PDE11A: variants seen among roughly 807,000 people sequenced by gnomAD.
PDE11A encodes the protein phosphodiesterase 11A.
PDE11A carries 100 observed loss-of-function variants against 100.5 expected under a neutral mutation model. That is an observed-to-expected ratio of 1.00 (90% CI 0.85 to 1.18). The LOEUF is 1.18. Among genes scored for constraint, PDE11A ranks in the 50% most tolerant of loss-of-function variants. The pLI, the probability that PDE11A is intolerant of heterozygous loss-of-function variation, is 0.00. For missense variants in PDE11A, 1,141 were observed against 1,152.6 expected (o/e 0.99, Z 0.15); for synonymous variants, 381 against 420.8 (o/e 0.91, Z 1.16).
At chr2:177,967,302 T>A (rs763250896) in intron 2 of PDE11A, among the ~76,000 whole-genome samples, 2 of 151,628 alleles carry the variant, frequency 1.3e-5, no homozygotes, top group Non-Finnish European at 2.9e-5. Context: ...GTTCAAGTGA[T>A]TCTCCTGCCT....
At chr2:178,105,619 C>A in intron 1 of PDE11A, 3 of 448,806 alleles carry the variant, frequency 6.7e-6, no homozygotes, top group Middle Eastern at 6.5e-4. Context: ...TTCAAACTAT[C>A]AAAAAATTGT....
At chr2:177,631,809 G>A (rs757784999) in intron 19 of PDE11A, among the ~76,000 whole-genome samples, 5 of 151,546 alleles carry the variant, frequency 3.3e-5, no homozygotes, top group Non-Finnish European at 5.9e-5. Context: ...GGCATCCCAC[G>A]TGGATGAGGG....
intron 10 of PDE11A, among the ~76,000 whole-genome samples, chr2:177,751,720 GA>G (rs1156655296): frequency 6.6e-6 from 1 of 152,152 alleles, no homozygotes; most frequent in Admixed American, 6.5e-5. Flanking sequence ...AGACCAAAGA[GA>G]AAAATGAGAT....
chr2:177,883,835 G>A (rs2084385599), intron 4 of PDE11A, among the ~76,000 whole-genome samples: 1 of 152,122 alleles, frequency 6.6e-6, no homozygotes, highest in African/African-American at 2.4e-5. Context: ...GAGGGGAGAA[G>A]GGAAGGGTGA....
chr2:177,665,496 T>TAAAA (rs199692182), intron 18 of PDE11A, among the ~76,000 whole-genome samples: 47 of 143,592 alleles, frequency 3.3e-4, no homozygotes, highest in East Asian at 1.8e-3. Context: ...AAAATAATAA[T>TAAAA]AATAAATAAA....
chr2:178,025,451 G>A (rs2086466823), intron 1 of PDE11A, among the ~76,000 whole-genome samples: 1 of 152,082 alleles, frequency 6.6e-6, no homozygotes, highest in Non-Finnish European at 1.5e-5. Flanking sequence ...AACTTTGTTT[G>A]CTGATCTTAT....
intron 2 of PDE11A, among the ~76,000 whole-genome samples, chr2:177,964,229 A>G (rs1221409195): frequency 3.9e-5 from 6 of 151,996 alleles, no homozygotes; most frequent in Admixed American, 3.9e-4. Context: ...AGCTCAGTGC[A>G]ACCTCAAGTT....
At chr2:177,758,291 C>T (rs745821672) in intron 10 of PDE11A, among the ~76,000 whole-genome samples, 54 of 129,868 alleles carry the variant, frequency 4.2e-4, no homozygotes, top group Non-Finnish European at 6.7e-4. Flanking sequence ...TGCAAGACTC[C>T]GTCTCAAAAA....
intron 2 of PDE11A, among the ~76,000 whole-genome samples, chr2:177,942,464 G>A (rs752911007): frequency 1.8e-4 from 27 of 151,258 alleles, no homozygotes; most frequent in East Asian, 5.8e-4. Flanking sequence ...GTGCAATGGC[G>A]TGATCTCGGC....
Position 177,998,310 on chromosome 2 carries a change from A to C in PDE11A, c.1071+15992T>G. 1.2e-5 allele frequency: 10 copies of C among 815,254 alleles called. 1 individual carries two copies. In the South Asian group the frequency reaches 1.3e-4, roughly 11 times the overall value. 50.5% of individuals were successfully genotyped at this position (815,254 alleles called of 1,614,324 possible). ...TAAAGTCTTAAGTTTTGTAGAAAGG[A>C]ATTTAATTGCTCATTCTCTAACAAT... On this transcript the variant is annotated intron_variant, in intron 2 of 19. Coordinates refer to ENST00000286063, the MANE Select transcript of PDE11A (RefSeq NM_016953.4).
intron 12 of PDE11A, among the ~76,000 whole-genome samples, chr2:177,717,796 C>T (rs994840668): frequency 6.6e-6 from 1 of 152,142 alleles, no homozygotes; most frequent in African/African-American, 2.4e-5. Context: ...CCAAAAGACC[C>T]AAGCCAGTAA....
intron 6 of PDE11A, among the ~76,000 whole-genome samples, chr2:177,832,656 C>T (rs1235392180): frequency 6.6e-6 from 1 of 151,922 alleles, no homozygotes; most frequent in Non-Finnish European, 1.5e-5. Flanking sequence ...CTGATAAGAT[C>T]TTGGGAGTTG....
At chr2:177,956,749 T>C (rs2085568173) in intron 2 of PDE11A, among the ~76,000 whole-genome samples, 1 of 152,244 alleles carries the variant, frequency 6.6e-6, no homozygotes, top group Non-Finnish European at 1.5e-5. Context: ...GATGAGTTCA[T>C]GTCTTTTGTA....
chr2:177,956,191 A>G (rs1212994137), intron 2 of PDE11A, among the ~76,000 whole-genome samples: 1 of 152,166 alleles, frequency 6.6e-6, no homozygotes, highest in East Asian at 1.9e-4. Context: ...AGAATCTACA[A>G]TGAACTCAAA....
At chr2:177,908,683 T>C (rs1276700600) in intron 2 of PDE11A, among the ~76,000 whole-genome samples, 3 of 151,808 alleles carry the variant, frequency 2.0e-5, no homozygotes, top group African/African-American at 7.3e-5. Context: ...GCGTGGAAAA[T>C]GAATCAGGGA....
chr2:177,780,605 A>G (rs1184932069), intron 9 of PDE11A, among the ~76,000 whole-genome samples: 2 of 152,330 alleles, frequency 1.3e-5, no homozygotes, highest in East Asian at 3.9e-4. Flanking sequence ...TGTCTACTGT[A>G]ACAACCTTTA....
chr2:178,103,720 T>A (rs1559072789), intron 2 of PDE11A, among the ~76,000 whole-genome samples: 1 of 151,752 alleles, frequency 6.6e-6, no homozygotes, highest in South Asian at 2.1e-4. Flanking sequence ...CATATATATA[T>A]TTAACAGGAT....
intron 2 of PDE11A, among the ~76,000 whole-genome samples, chr2:177,982,744 A>T (rs1042485444): frequency 6.6e-6 from 1 of 150,788 alleles, no homozygotes; most frequent in Admixed American, 6.6e-5. Context: ...TTGATAGCCA[A>T]AAAAAAGAAT....
intron 1 of PDE11A, among the ~76,000 whole-genome samples, chr2:178,055,337 G>A (rs1260818796): frequency 2.7e-5 from 4 of 149,014 alleles, no homozygotes; most frequent in Non-Finnish European, 4.5e-5. Context: ...TCACACACCA[G>A]GGCCTGTCAT....
Sources: allele counts gnomAD v4.1 joint callset (sites outside exome capture counted in the v4.1 genomes callset), GRCh38; gene constraint gnomAD v4.1.1; transcripts MANE v1.5; gene names NCBI Gene and HGNC (gene_info 2026-07-23, HGNC 2026-07-21).